Variants in BMERB1 observed in about 807,000 individuals in gnomAD.
The protein encoded by BMERB1 is bMERB domain containing 1, also known as bMERB domain-containing protein 1.
In BMERB1, 12 loss-of-function variants were observed where a neutral mutation model predicts 23.6. The observed-to-expected ratio is 0.51, with a 90% CI of 0.33 to 0.82. BMERB1 has a LOEUF of 0.82. Among genes scored for constraint, BMERB1 ranks in the 40% least tolerant of loss-of-function variants. The pLI is 0.03. For missense variants in BMERB1, 247 were observed against 255.4 expected (o/e 0.97, Z 0.22); for synonymous variants, 122 against 96.6 (o/e 1.26, Z -1.54).
At chr16:15,524,411 C>A (rs2051886018) in intron 2 of BMERB1, among the ~76,000 whole-genome samples, 1 of 152,118 alleles carries the variant, frequency 6.6e-6, no homozygotes, top group African/African-American at 2.4e-5. Flanking sequence ...GACCCTCCTC[C>A]TGAATTTCTA....
At chr16:15,583,976 C>T (rs1414582418) in intron 5 of BMERB1, 4 of 700,488 alleles carry the variant, frequency 5.7e-6, no homozygotes, top group Middle Eastern at 4.6e-4. Flanking sequence ...TGGGTAGCTA[C>T]TGAGGCTCAG....
intron 2 of BMERB1, among the ~76,000 whole-genome samples, chr16:15,555,949 G>T (rs1327466402): frequency 2.0e-5 from 3 of 152,162 alleles, no homozygotes; most frequent in Non-Finnish European, 4.4e-5. Flanking sequence ...GGAAGCTGAG[G>T]CGGGTGGATC....
intron 1 of BMERB1, among the ~76,000 whole-genome samples, chr16:15,449,278 G>A (rs1413612822): frequency 6.6e-6 from 1 of 152,170 alleles, no homozygotes; most frequent in African/African-American, 2.4e-5. Flanking sequence ...TATCCTAAGT[G>A]AACTAATGCG....
At chr16:15,557,772 C>G (rs1016425160) in intron 2 of BMERB1, among the ~76,000 whole-genome samples, 2 of 152,184 alleles carry the variant, frequency 1.3e-5, no homozygotes, top group Non-Finnish European at 2.9e-5. Context: ...TGAGGCTGGA[C>G]ACAGTGGCTC....
intron 2 of BMERB1, among the ~76,000 whole-genome samples, chr16:15,519,231 G>C (rs950853514): frequency 6.6e-6 from 1 of 152,032 alleles, no homozygotes; most frequent in Non-Finnish European, 1.5e-5. Context: ...AAAGACTCCC[G>C]GTGGCCGTAG....
chr16:15,588,227 T>G lies in BMERB1; in HGVS notation c.*1398T>G, dbSNP rs2031203717. 1 of 152,248 alleles carries G rather than the reference T, an allele frequency of 6.6e-6. No homozygotes were observed. Among genetic ancestry groups the G allele is most frequent in the African/African-American group, 2.4e-5 (1 of 41,460 alleles). 9.4% of individuals were successfully genotyped at this position (152,248 alleles called of 1,614,324 possible). ...CACCATCTTCCACATCATTAAAAGC[T>G]CTTTGTAAACATTAAACACTCTTCA... is the stretch of plus-strand genomic sequence containing the variant. On this transcript the variant is annotated 3_prime_UTR_variant, in exon 6 of 6. Transcript: ENST00000300006.
intron 1 of BMERB1, among the ~76,000 whole-genome samples, chr16:15,509,383 A>G (rs372428105): frequency 1.1e-4 from 16 of 151,842 alleles, no homozygotes; most frequent in African/African-American, 3.4e-4. Flanking sequence ...CTATCTCTGC[A>G]ATGATCTGGC....
chr16:15,515,797 A>T (rs1260815283), intron 2 of BMERB1, among the ~76,000 whole-genome samples: 1 of 152,110 alleles, frequency 6.6e-6, no homozygotes, highest in African/African-American at 2.4e-5. Context: ...CAGCTTGGGC[A>T]GGTTACTTGG....
chr16:15,579,370 A>T, intron 3 of BMERB1, among the ~76,000 whole-genome samples: 1 of 152,106 alleles, frequency 6.6e-6, no homozygotes, highest in South Asian at 2.1e-4. Context: ...ACCATCATCC[A>T]ATGCACCAAT....
At chr16:15,580,210 C>T (rs1253526243) in intron 3 of BMERB1, among the ~76,000 whole-genome samples, 1 of 145,970 alleles carries the variant, frequency 6.9e-6, no homozygotes, top group Non-Finnish European at 1.5e-5. Context: ...GATCCACCCA[C>T]CTCAGCCTCC....
intron 1 of BMERB1, among the ~76,000 whole-genome samples, chr16:15,453,021 A>C (rs1388344962): frequency 1.3e-5 from 2 of 152,180 alleles, no homozygotes; most frequent in South Asian, 2.1e-4. Context: ...ACAACAACAA[A>C]AATAGCTGGG....
At chr16:15,496,882 A>G (rs2051478461) in intron 1 of BMERB1, among the ~76,000 whole-genome samples, 1 of 152,168 alleles carries the variant, frequency 6.6e-6, no homozygotes, top group African/African-American at 2.4e-5. Flanking sequence ...AATTTAAATA[A>G]CTTGTCCAGG....
At chr16:15,504,829 G>C (rs1282877686) in intron 1 of BMERB1, among the ~76,000 whole-genome samples, 1 of 151,892 alleles carries the variant, frequency 6.6e-6, no homozygotes, top group Non-Finnish European at 1.5e-5. Context: ...GGACATATTA[G>C]GTGAAAGTTG....
intron 3 of BMERB1, among the ~76,000 whole-genome samples, chr16:15,579,535 T>C (rs1303001843): frequency 1.3e-5 from 2 of 152,138 alleles, no homozygotes; most frequent in African/African-American, 4.8e-5. Flanking sequence ...ATGATCAACG[T>C]CAGTCGTGGG....
intron 1 of BMERB1, among the ~76,000 whole-genome samples, chr16:15,465,314 T>G (rs941676402): frequency 1.1e-4 from 16 of 151,950 alleles, no homozygotes; most frequent in Non-Finnish European, 8.8e-5. Context: ...ACTGACACCT[T>G]GTATCCATCA....
chr16:15,515,490 A>G, intron 2 of BMERB1, 62 bp downstream of exon 2: 1 of 1,567,544 alleles, frequency 6.4e-7, no homozygotes, highest in Non-Finnish European at 8.6e-7. Context: ...AAAACCTAAT[A>G]TTTGTTGATC....
chr16:15,450,889 T>C (rs1255534037), intron 1 of BMERB1, among the ~76,000 whole-genome samples: 4 of 152,178 alleles, frequency 2.6e-5, no homozygotes, highest in Non-Finnish European at 4.4e-5. Context: ...GTCATGCTGC[T>C]GCATTGCCCA....
intron 5 of BMERB1, among the ~76,000 whole-genome samples, chr16:15,583,577 C>CAAAAA (rs35021259): frequency 4.8e-5 from 3 of 61,868 alleles, no homozygotes; most frequent in Non-Finnish European, 6.8e-5. Context: ...GACTTTGTCT[C>CAAAAA]AAAAAAAAAA....
At chr16:15,515,045 G>A (rs561233602) in intron 1 of BMERB1, among the ~76,000 whole-genome samples, 5 of 152,298 alleles carry the variant, frequency 3.3e-5, no homozygotes, top group African/African-American at 4.8e-5. Flanking sequence ...TCGCTTCACC[G>A]CACTCCAGCC....
Sources: allele counts gnomAD v4.1 joint callset (sites outside exome capture counted in the v4.1 genomes callset), GRCh38; gene constraint gnomAD v4.1.1; transcripts MANE v1.5; gene names NCBI Gene and HGNC (gene_info 2026-07-23, HGNC 2026-07-21).